THSD7B: variants seen among roughly 807,000 people sequenced by gnomAD.
THSD7B encodes the protein thrombospondin type-1 domain-containing protein 7B.
In THSD7B, 138 loss-of-function variants were observed where a neutral mutation model predicts 213.6. The ratio of observed to expected loss-of-function variants is 0.65; its 90% CI spans 0.56 to 0.74. The LOEUF is 0.74. THSD7B is among the 30% of genes least tolerant of loss of function. The pLI is 0.00. For missense variants in THSD7B, 1,931 were observed against 1,991.5 expected (o/e 0.97, Z 0.58); for synonymous variants, 742 against 687.0 (o/e 1.08, Z -1.25).
chr2:137,525,013 G>A (rs976919890), intron 15 of THSD7B, among the ~76,000 whole-genome samples: 9 of 152,248 alleles, frequency 5.9e-5, no homozygotes, highest in East Asian at 3.9e-4. Context: ...TTGTGAGGTC[G>A]TTGTTGGTGT....
intron 15 of THSD7B, among the ~76,000 whole-genome samples, chr2:137,486,243 G>A (rs1688440269): frequency 6.6e-6 from 1 of 151,858 alleles, no homozygotes; most frequent in Non-Finnish European, 1.5e-5. Context: ...ACTGTATTCA[G>A]GAAACCCATC....
At chr2:136,823,909 A>G (rs1228467650) in intron 1 of THSD7B, among the ~76,000 whole-genome samples, 2 of 152,188 alleles carry the variant, frequency 1.3e-5, no homozygotes, top group Non-Finnish European at 1.5e-5. Context: ...GCTGTGGTCC[A>G]TGGACTGGAT....
At chr2:137,505,993 G>A (rs150953974) in intron 15 of THSD7B, among the ~76,000 whole-genome samples, 8 of 152,344 alleles carry the variant, frequency 5.3e-5, no homozygotes, top group African/African-American at 1.7e-4. Flanking sequence ...GATCCTGTGT[G>A]TAGGAGCTTG....
At chr2:136,875,536 T>C (rs1220528088) in intron 1 of THSD7B, among the ~76,000 whole-genome samples, 2 of 152,184 alleles carry the variant, frequency 1.3e-5, no homozygotes, top group South Asian at 4.1e-4. Flanking sequence ...TTAATCATTG[T>C]GTAAGATCTG....
At chr2:137,308,913 T>A (rs192804674) in intron 12 of THSD7B, among the ~76,000 whole-genome samples, 1 of 152,250 alleles carries the variant, frequency 6.6e-6, no homozygotes, top group East Asian at 1.9e-4. Context: ...TTCATTTTGT[T>A]GTAACCAGTT....
At chr2:136,812,609 C>A (rs1443627857) in intron 1 of THSD7B, among the ~76,000 whole-genome samples, 2 of 152,146 alleles carry the variant, frequency 1.3e-5, no homozygotes, top group Non-Finnish European at 2.9e-5. Flanking sequence ...CCTATTTACT[C>A]ATCAAAGCAA....
chr2:137,387,567 G>T (rs1225735075), intron 12 of THSD7B, among the ~76,000 whole-genome samples: 1 of 151,962 alleles, frequency 6.6e-6, no homozygotes, highest in Non-Finnish European at 1.5e-5. Context: ...CAACAAGAAG[G>T]GTCAGAAGTA....
chr2:136,970,981 A>T (rs1023440527), intron 2 of THSD7B, among the ~76,000 whole-genome samples: 1 of 152,178 alleles, frequency 6.6e-6, no homozygotes, highest in African/African-American at 2.4e-5. Flanking sequence ...TATTTCAAGA[A>T]TTTTTTCTGA....
At chr2:137,283,517 A>G (rs1168776581) in intron 12 of THSD7B, among the ~76,000 whole-genome samples, 2 of 152,150 alleles carry the variant, frequency 1.3e-5, no homozygotes, top group African/African-American at 4.8e-5. Flanking sequence ...TCCATTCAGT[A>G]TGATATTGGC....
intron 15 of THSD7B, among the ~76,000 whole-genome samples, chr2:137,499,445 G>A (rs1032083937): frequency 5.2e-4 from 79 of 152,288 alleles, no homozygotes; most frequent in African/African-American, 1.8e-3. Flanking sequence ...CATAAGCAAA[G>A]TAACAAAATA....
intron 12 of THSD7B, among the ~76,000 whole-genome samples, chr2:137,385,284 G>A (rs1298109272): frequency 1.3e-5 from 2 of 152,240 alleles, no homozygotes; most frequent in East Asian, 3.9e-4. Flanking sequence ...AGCTCTTAAG[G>A]AAGATTGTAT....
intron 2 of THSD7B, among the ~76,000 whole-genome samples, chr2:136,953,035 G>T (rs1036686643): frequency 1.3e-5 from 2 of 151,832 alleles, no homozygotes; most frequent in African/African-American, 4.8e-5. Flanking sequence ...TGAAGATTAG[G>T]GTAAAAATAT....
chr2:137,376,972 C>A (rs1158749628), intron 12 of THSD7B, among the ~76,000 whole-genome samples: 1 of 152,162 alleles, frequency 6.6e-6, no homozygotes, highest in Non-Finnish European at 1.5e-5. Flanking sequence ...AAAGAACACT[C>A]ATTTAAAAGG....
intron 9 of THSD7B, 29 bp from the exon 10 acceptor site, chr2:137,242,428 G>T: frequency 6.5e-7 from 1 of 1,546,264 alleles, no homozygotes. Flanking sequence ...TCTCAAAAAG[G>T]CATTGACATG....
intron 4 of THSD7B, among the ~76,000 whole-genome samples, chr2:137,113,835 GA>G (rs374043933): frequency 1.3e-4 from 19 of 151,026 alleles, no homozygotes; most frequent in East Asian, 1.2e-3. Context: ...TAAGCCTAGG[GA>G]AAAAAAAAGT....
At chr2:137,286,363 A>T (rs1446663051) in intron 12 of THSD7B, among the ~76,000 whole-genome samples, 2 of 152,060 alleles carry the variant, frequency 1.3e-5, no homozygotes, top group African/African-American at 4.8e-5. Context: ...ATATAGCAAA[A>T]ACACACACTC....
rs116584443 is a variant in THSD7B, at chr2:137,606,874, C to T, written c.3424-9301C>T. Among the ~76,000 whole-genome samples the T allele has an allele frequency of 4.0e-3, 603 of 152,212 alleles. 5 individuals are homozygous for T. The highest frequency in any genetic ancestry group is 0.014 in the African/African-American group (578 of 41,554). On this transcript the variant is annotated intron_variant, in intron 17 of 27. Transcript: ENST00000409968. Reference sequence around the variant, plus strand: ...AAACTGAGATTGAGATTAAGAGTTTCGTGTGCCCTCATTTCAAATGGCAAC... The same window carrying T: ...AAACTGAGATTGAGATTAAGAGTTTTGTGTGCCCTCATTTCAAATGGCAAC...
intron 9 of THSD7B, among the ~76,000 whole-genome samples, chr2:137,234,277 A>G (rs548292366): frequency 4.6e-5 from 7 of 152,264 alleles, no homozygotes; most frequent in African/African-American, 1.7e-4. Flanking sequence ...TGCCTAATTC[A>G]ATTTAATTTG....
At chr2:137,344,798 T>C (rs1315823882) in intron 12 of THSD7B, among the ~76,000 whole-genome samples, 1 of 151,660 alleles carries the variant, frequency 6.6e-6, no homozygotes. Context: ...TTAGTCAACA[T>C]TAACAGAACA....
Sources: allele counts gnomAD v4.1 joint callset (sites outside exome capture counted in the v4.1 genomes callset), GRCh38; gene constraint gnomAD v4.1.1; transcripts MANE v1.5; gene names NCBI Gene and HGNC (gene_info 2026-07-23, HGNC 2026-07-21).